GALNT13: variants seen among roughly 807,000 people sequenced by gnomAD.
GALNT13 encodes the protein UDP-GalNAc:polypeptide N-acetylgalactosaminyltransferase 13.
Under a neutral mutation model 64.2 loss-of-function variants are expected in GALNT13, and 28 were observed. The ratio of observed to expected loss-of-function variants is 0.44; its 90% confidence interval spans 0.32 to 0.60. The LOEUF (loss-of-function observed/expected upper bound fraction) is 0.60, where lower values mean the gene tolerates loss of function less well. Ranked by LOEUF, GALNT13 falls within the 20% of genes least tolerant of loss-of-function variation. The pLI, the probability that GALNT13 is intolerant of heterozygous loss-of-function variation, is 0.05. For missense variants in GALNT13, 577 were observed against 669.8 expected (o/e 0.86, Z 1.53); for synonymous variants, 214 against 224.6 (o/e 0.95, Z 0.42).
chr2:153,669,837 A>G, the GALNT13 span, among the ~76,000 whole-genome samples: 3 of 152,006 alleles, frequency 2.0e-5, no homozygotes, highest in South Asian at 6.2e-4. Flanking sequence ...CTTTTCCCAC[A>G]GTCTTTGCAG....
At chr2:153,188,561 A>T in the GALNT13 span, among the ~76,000 whole-genome samples, 1 of 152,226 alleles carries the variant, frequency 6.6e-6, no homozygotes, top group Admixed American at 6.5e-5. Flanking sequence ...ACCCAATCAG[A>T]CACGTCCAGC....
At chr2:153,598,445 A>T in the GALNT13 span, among the ~76,000 whole-genome samples, 4 of 152,044 alleles carry the variant, frequency 2.6e-5, no homozygotes, top group Admixed American at 6.6e-5. Context: ...TCCTATCTAA[A>T]GCAAACTCCT....
chr2:153,299,540 T>TA, the GALNT13 span, among the ~76,000 whole-genome samples: 2 of 152,204 alleles, frequency 1.3e-5, no homozygotes, highest in Non-Finnish European at 2.9e-5. Flanking sequence ...CCTATAGCCT[T>TA]TTTCGAAGAT....
the GALNT13 span, among the ~76,000 whole-genome samples, chr2:153,266,539 A>G: frequency 0.83 from 126,385 of 152,058 alleles, 53,779 homozygotes; most frequent in African/African-American, 0.93. Context: ...GTGGAAGGCA[A>G]AGGAGAAGCA....
the GALNT13 span, among the ~76,000 whole-genome samples, chr2:153,681,647 C>T: frequency 4.0e-5 from 6 of 151,782 alleles, no homozygotes; most frequent in Non-Finnish European, 8.8e-5. Flanking sequence ...TCTCTTTCCT[C>T]ATTCTTCCCC....
At chr2:153,207,204 G>A in the GALNT13 span, among the ~76,000 whole-genome samples, 2 of 152,056 alleles carry the variant, frequency 1.3e-5, no homozygotes, top group Non-Finnish European at 2.9e-5. Flanking sequence ...TGCAGAAATG[G>A]AATAGTTTTC....
chr2:153,532,129 C>G, the GALNT13 span, among the ~76,000 whole-genome samples: 1 of 152,124 alleles, frequency 6.6e-6, no homozygotes, highest in Non-Finnish European at 1.5e-5. Flanking sequence ...TCCCACCGCA[C>G]TTCCCTAGTA....
intron 4 of GALNT13, among the ~76,000 whole-genome samples, chr2:154,213,628 G>A (rs1051419814): frequency 2.5e-4 from 38 of 150,118 alleles, no homozygotes; most frequent in Non-Finnish European, 4.3e-4. Flanking sequence ...AAAAAAAAAC[G>A]GAATAGACAC....
chr2:154,335,829 C>T (rs574970074), intron 9 of GALNT13, among the ~76,000 whole-genome samples: 2 of 152,084 alleles, frequency 1.3e-5, no homozygotes, highest in South Asian at 4.2e-4. Flanking sequence ...ATGTAAATTA[C>T]TAGAAGTTAA....
intron 2 of GALNT13, among the ~76,000 whole-genome samples, chr2:153,901,213 A>T (rs1688212989): frequency 6.6e-6 from 1 of 151,996 alleles, no homozygotes; most frequent in Non-Finnish European, 1.5e-5. Flanking sequence ...AGTGCCTTGC[A>T]GTTTTGGTTA....
chr2:153,605,112 A>G, the GALNT13 span, among the ~76,000 whole-genome samples: 1 of 152,038 alleles, frequency 6.6e-6, no homozygotes. Context: ...TTTTAAAGGA[A>G]AGCACAGGAA....
chr2:153,909,521 A>G (rs1474222879), intron 2 of GALNT13, among the ~76,000 whole-genome samples: 1 of 152,006 alleles, frequency 6.6e-6, no homozygotes, highest in Non-Finnish European at 1.5e-5. Flanking sequence ...GTGGCTTTTC[A>G]AGGGTAATGC....
chr2:153,810,994 A>G, the GALNT13 span, among the ~76,000 whole-genome samples: 132,495 of 152,144 alleles, frequency 0.87, 58,515 homozygotes, highest in Non-Finnish European at 0.92. Context: ...ACCTTTTTGA[A>G]CCCTAATTTC....
the GALNT13 span, among the ~76,000 whole-genome samples, chr2:153,430,658 A>C: frequency 3.0e-4 from 46 of 151,330 alleles, no homozygotes; most frequent in African/African-American, 1.0e-3. Context: ...ATATATTTGA[A>C]TATGTCAATA....
At chr2:153,630,969 C>A in the GALNT13 span, among the ~76,000 whole-genome samples, 1 of 151,052 alleles carries the variant, frequency 6.6e-6, no homozygotes, top group African/African-American at 2.4e-5. Flanking sequence ...ACTCCCGCCA[C>A]CCCACAACAG....
At chr2:153,435,958 G>T in the GALNT13 span, among the ~76,000 whole-genome samples, 2 of 152,184 alleles carry the variant, frequency 1.3e-5, no homozygotes, top group Non-Finnish European at 2.9e-5. Context: ...GATATTGGCT[G>T]TGGGTTTGTC....
At chr2:153,888,261 C>T (rs936291568) in intron 1 of GALNT13, among the ~76,000 whole-genome samples, 3 of 151,844 alleles carry the variant, frequency 2.0e-5, no homozygotes, top group African/African-American at 4.8e-5. Flanking sequence ...TTGAAATGTA[C>T]AAGGACTAAG....
chr2:153,856,428 T>C, the GALNT13 span, among the ~76,000 whole-genome samples: 1 of 152,108 alleles, frequency 6.6e-6, no homozygotes, highest in African/African-American at 2.4e-5. Context: ...TCAGAATATA[T>C]AAAAAACTGC....
chr2:153,825,522 T>G, the GALNT13 span, among the ~76,000 whole-genome samples: 1 of 152,100 alleles, frequency 6.6e-6, no homozygotes, highest in African/African-American at 2.4e-5. Flanking sequence ...TCTCAATGTC[T>G]CATCCTTGGT....
Sources: allele counts gnomAD v4.1 joint callset (sites outside exome capture counted in the v4.1 genomes callset), GRCh38; gene constraint gnomAD v4.1.1; transcripts MANE v1.5; gene names NCBI Gene and HGNC (gene_info 2026-07-23, HGNC 2026-07-21).